ASTN2: variants seen among roughly 807,000 people sequenced by gnomAD.
ASTN2 encodes the protein astrotactin-2.
ASTN2 carries 54 observed loss-of-function variants against 139.8 expected under a neutral mutation model. The observed-to-expected ratio is 0.39, with a 90% CI of 0.31 to 0.48. The LOEUF is 0.48. ASTN2 is among the 20% of genes least tolerant of loss of function. The probability of loss-of-function intolerance (pLI) is 0.95; values close to 1 mark genes in which losing one functional copy is unlikely to be tolerated. For missense variants in ASTN2, 1,565 were observed against 1,725.1 expected (o/e 0.91, Z 1.64); for synonymous variants, 756 against 719.5 (o/e 1.05, Z -0.81).
intron 11 of ASTN2, among the ~76,000 whole-genome samples, chr9:116,835,201 G>A (rs532002276): frequency 1.4e-4 from 22 of 152,164 alleles, no homozygotes; most frequent in African/African-American, 5.3e-4. Context: ...ATTACTATCT[G>A]AGGGGTCTGG....
chr9:116,760,780 T>C (rs1829653923), intron 13 of ASTN2, among the ~76,000 whole-genome samples: 2 of 152,118 alleles, frequency 1.3e-5, no homozygotes, highest in African/African-American at 4.8e-5. Flanking sequence ...AGGCACCACT[T>C]GTGCCACCCT....
At chr9:116,723,209 G>T (rs1229932191) in intron 16 of ASTN2, among the ~76,000 whole-genome samples, 4 of 152,060 alleles carry the variant, frequency 2.6e-5, no homozygotes, top group Non-Finnish European at 5.9e-5. Flanking sequence ...GCAAGGTATG[G>T]AGCTGGGACT....
In ASTN2 at chr9:116,800,074, G is replaced by A. The variant is rs915816754; in HGVS notation, c.2396+5558C>T. Reference sequence around the variant, plus strand: ...CTCAAAACAAGCCCCATTCCCTTCCGAGGAATAAACTGTATTTTGATTTTT... The same window carrying A: ...CTCAAAACAAGCCCCATTCCCTTCCAAGGAATAAACTGTATTTTGATTTTT... On this transcript the variant is annotated intron_variant, in intron 13 of 22. Transcript: ENST00000313400. Among the ~76,000 whole-genome samples the A allele has an allele frequency of 6.6e-5, 10 of 152,168 alleles. No individual in the cohort carries two copies. The East Asian group carries it at 1.7e-3, about 26-fold the overall frequency.
chr9:117,079,596 C>A (rs1828371414), intron 5 of ASTN2, among the ~76,000 whole-genome samples: 1 of 152,160 alleles, frequency 6.6e-6, no homozygotes, highest in African/African-American at 2.4e-5. Context: ...TGGTCTAGAA[C>A]CCTTTTCAAC....
At chr9:117,356,462 C>T (rs994213109) in intron 1 of ASTN2, among the ~76,000 whole-genome samples, 1 of 152,156 alleles carries the variant, frequency 6.6e-6, no homozygotes, top group Non-Finnish European at 1.5e-5. Context: ...CAATTAAAAT[C>T]AGACCAAATT....
In ASTN2 at chr9:117,214,502, C is replaced by T. The variant is rs761215357; in HGVS notation, c.871G>A (p.Asp291Asn). The change falls in exon 3 of 23, where the codon GAT becomes AAT. Residue 291 changes from aspartate (D) to asparagine (N), a missense_variant. Coordinates refer to ENST00000313400, the MANE Select transcript of ASTN2 (RefSeq NM_001365068.1). ...GVPIRETPIL[D>N]DYDCEEDEEP... is the part of the protein sequence containing the mutation. ...TCATCCTCCTCACAGTCATAGTCAT[C>T]CAGGATGGGAGTCTCCCGGATGGGC... 72 of 1,614,046 alleles carry T rather than the reference C, an allele frequency of 4.5e-5. No individual in the cohort carries two copies. The highest frequency in any genetic ancestry group is 5.8e-5 in the Non-Finnish European group (69 of 1,180,010).
chr9:117,032,704 T>C (rs1411597497), intron 6 of ASTN2, among the ~76,000 whole-genome samples: 2 of 152,142 alleles, frequency 1.3e-5, no homozygotes, highest in Admixed American at 6.6e-5. Context: ...GGACATCAAG[T>C]AGGGATGAGA....
At chr9:116,876,231 T>G (rs910183439) in intron 10 of ASTN2, among the ~76,000 whole-genome samples, 2 of 152,154 alleles carry the variant, frequency 1.3e-5, no homozygotes, top group African/African-American at 4.8e-5. Context: ...GTGGAGGTAA[T>G]AATTACAGAT....
chr9:116,784,366 G>C (rs1830304586), intron 13 of ASTN2, among the ~76,000 whole-genome samples: 1 of 152,322 alleles, frequency 6.6e-6, no homozygotes. Flanking sequence ...AGAAAAGACA[G>C]CACTTGAAGC....
intron 19 of ASTN2, among the ~76,000 whole-genome samples, chr9:116,514,440 C>G (rs1024328671): frequency 1.3e-5 from 2 of 152,132 alleles, no homozygotes; most frequent in African/African-American, 4.8e-5. Flanking sequence ...TTAGGCTTCT[C>G]AGGGGTCAGG....
intron 16 of ASTN2, among the ~76,000 whole-genome samples, chr9:116,695,699 T>C (rs1480462742): frequency 6.6e-6 from 1 of 152,190 alleles, no homozygotes; most frequent in Non-Finnish European, 1.5e-5. Flanking sequence ...CTTTATCATA[T>C]GCCTCAACTT....
chr9:116,801,038 G>A (rs576700033), intron 13 of ASTN2, among the ~76,000 whole-genome samples: 1 of 152,272 alleles, frequency 6.6e-6, no homozygotes, highest in East Asian at 1.9e-4. Flanking sequence ...AGCTGGTAGA[G>A]AGTTTGATAT....
At chr9:116,613,328 A>T (rs1855653352) in intron 19 of ASTN2, 1 of 152,246 alleles carries the variant, frequency 6.6e-6, no homozygotes, top group South Asian at 2.1e-4. Flanking sequence ...TCCTTCTGAA[A>T]CTATTCAAAT....
At chr9:116,877,691 G>C (rs914951959) in intron 10 of ASTN2, among the ~76,000 whole-genome samples, 6 of 152,046 alleles carry the variant, frequency 3.9e-5, no homozygotes, top group Non-Finnish European at 8.8e-5. Flanking sequence ...TCACACCCAG[G>C]CTGTCCCCAG....
At chr9:117,340,803 C>A (rs150261094) in intron 1 of ASTN2, among the ~76,000 whole-genome samples, 6 of 152,296 alleles carry the variant, frequency 3.9e-5, no homozygotes, top group African/African-American at 9.6e-5. Flanking sequence ...GAGGCTAGGA[C>A]CCCGGTCCCA....
intron 2 of ASTN2, among the ~76,000 whole-genome samples, chr9:117,244,270 C>T (rs1445452488): frequency 6.6e-6 from 1 of 152,082 alleles, no homozygotes. Context: ...TGAGAACAGT[C>T]TAATACAGTA....
chr9:117,115,136 C>T (rs902168125), intron 4 of ASTN2, among the ~76,000 whole-genome samples: 1 of 152,180 alleles, frequency 6.6e-6, no homozygotes, highest in African/African-American at 2.4e-5. Context: ...ATTTTGTATA[C>T]AGCAATCATC....
At chr9:116,764,866 A>T (rs1006446393) in intron 13 of ASTN2, among the ~76,000 whole-genome samples, 2 of 152,160 alleles carry the variant, frequency 1.3e-5, no homozygotes, top group Admixed American at 6.5e-5. Flanking sequence ...TATAAATTTT[A>T]AAAAATAATA....
At chr9:116,631,878 T>G (rs1432603431) in intron 17 of ASTN2, among the ~76,000 whole-genome samples, 5 of 152,002 alleles carry the variant, frequency 3.3e-5, no homozygotes, top group Non-Finnish European at 7.4e-5. Context: ...CACTTTGGGA[T>G]GCCGAGGCAG....
Sources: gnomAD v4.1 joint callset for allele counts (sites outside exome capture counted in the v4.1 genomes callset) on GRCh38, gnomAD v4.1.1 for gene constraint, MANE v1.5 for transcripts, NCBI Gene and HGNC (gene_info 2026-07-23, HGNC 2026-07-21) for gene names.